UGT1A5: variants seen among roughly 807,000 people sequenced by gnomAD.
UGT1A5 encodes the protein UDP glucuronosyltransferase family 1 member A5, also known as UDP-glucuronosyltransferase 1A5.
UGT1A5 carries 29 observed loss-of-function variants against 40.3 expected under a neutral mutation model. That is an observed-to-expected ratio of 0.72 (90% CI 0.54 to 0.98). The LOEUF (loss-of-function observed/expected upper bound fraction) is 0.98, where lower values mean the gene tolerates loss of function less well. Ranked by LOEUF, UGT1A5 falls within the 50% of genes least tolerant of loss-of-function variation. UGT1A5 has a pLI of 0.00. For synonymous variants in UGT1A5, 257 were observed against 262.5 expected, an observed-to-expected ratio of 0.98 and a Z score of 0.20; for missense variants, 678 against 677.9, an observed-to-expected ratio of 1.00 and a Z score of 0.00.
rs149208140 is a variant in UGT1A5, at chr2:233,713,840, C to A, written c.849C>A (p.Asn283Lys). The A allele has an allele frequency of 6.2e-7, 1 of 1,614,012 alleles. No homozygotes were observed. The highest frequency in any genetic ancestry group is 8.5e-7 in the Non-Finnish European group (1 of 1,179,958). ...TCATTGGGGGCATCAACTGTGCCAA[C>A]GGGAAGCCACTATCTCAGGTCTGTA... ...MVFIGGINCA[N>K]GKPLSQEFEA... Residue 283 changes from asparagine to lysine, a missense_variant, in exon 1 of 5, where the codon AAC becomes AAA. Asn to Lys is a moderately conservative substitution (Grantham distance 94). Coordinates refer to ENST00000373414, the MANE Select transcript of UGT1A5 (RefSeq NM_019078.2).
Position 233,713,846 on chromosome 2 carries a change from G to A in UGT1A5, c.855G>A (p.Lys285=). The part of the protein sequence containing the change: ...FIGGINCANG[K]PLSQEFEAYI... ...GGGGCATCAACTGTGCCAACGGGAA[G>A]CCACTATCTCAGGTCTGTATTGGTG... Residue 285 remains lysine, a synonymous_variant, in exon 1 of 5, where the codon AAG becomes AAA. Transcript: ENST00000373414. The A allele has an allele frequency of 3.7e-6, 6 of 1,614,046 alleles. No homozygotes were observed. The highest frequency in any genetic ancestry group is 5.1e-6 in the Non-Finnish European group (6 of 1,179,962).
chr2:233,770,833 T>C (rs1328938186), intron 4 of UGT1A5: 1 of 152,206 alleles, frequency 6.6e-6, no homozygotes, highest in Non-Finnish European at 1.5e-5. Context: ...TGCATTGCTG[T>C]AAAGAAATAC....
At chr2:233,737,721 CT>C (rs1222184655) in intron 1 of UGT1A5, among the ~76,000 whole-genome samples, 14 of 151,438 alleles carry the variant, frequency 9.2e-5, no homozygotes, top group African/African-American at 1.9e-4. Flanking sequence ...CCAACACCTC[CT>C]TTTTTTTTCC....
intron 1 of UGT1A5, among the ~76,000 whole-genome samples, chr2:233,724,261 G>C (rs1182689801): frequency 8.1e-5 from 8 of 98,862 alleles, no homozygotes; most frequent in East Asian, 3.8e-4. Context: ...CTCACCTCCC[G>C]GACGGGGCGG....
chr2:233,743,981 G>C (rs1692624812), intron 1 of UGT1A5: 1 of 1,297,770 alleles, frequency 7.7e-7, no homozygotes, highest in African/African-American at 1.5e-5. Context: ...CAGCACCCAG[G>C]CGCAGGCCCG....
At position 233,758,345 on chromosome 2, in the gene UGT1A5, T is replaced by G. The variant is rs2125964411; in HGVS notation, c.868-8689T>G. Among the ~76,000 whole-genome samples, 4 of 152,362 alleles carry G rather than the reference T, an allele frequency of 2.6e-5. 1 individual carries two copies. In the Middle Eastern group the frequency reaches 0.01, roughly 389 times the overall value. On this transcript the variant is annotated intron_variant, in intron 1 of 4. Transcript: ENST00000373414. ...CCTCAAAAAGCTTGGAAGCTCTGCA[T>G]GATGCAGGAAAGTCATAAAATCATT...
intron 1 of UGT1A5, chr2:233,729,055 T>C (rs1328959185): frequency 6.2e-7 from 1 of 1,609,844 alleles, no homozygotes; most frequent in East Asian, 2.2e-5. Context: ...GACAAGGTAA[T>C]TAAGATGAAG....
chr2:233,734,934 T>A (rs2078587664), intron 1 of UGT1A5, among the ~76,000 whole-genome samples: 1 of 152,172 alleles, frequency 6.6e-6, no homozygotes, highest in Admixed American at 6.6e-5. Flanking sequence ...TTACTTACAA[T>A]CATATGGTCA....
At chr2:233,724,321 C>A (rs1437047103) in intron 1 of UGT1A5, among the ~76,000 whole-genome samples, 7 of 146,642 alleles carry the variant, frequency 4.8e-5, no homozygotes, top group East Asian at 4.5e-4. Context: ...GACGGGGCGG[C>A]TGGCCAGGCG....
intron 1 of UGT1A5, among the ~76,000 whole-genome samples, chr2:233,758,654 A>G (rs1263947791): frequency 6.6e-6 from 1 of 152,140 alleles, no homozygotes; most frequent in Non-Finnish European, 1.5e-5. Flanking sequence ...ATGAGAGGGT[A>G]CCCTAATTAC....
chr2:233,718,023 A>G (rs1438994105), intron 1 of UGT1A5: 2 of 389,712 alleles, frequency 5.1e-6, no homozygotes, highest in South Asian at 3.8e-5. Flanking sequence ...CCAGCTCCCC[A>G]GGTCCTTTGG....
At chr2:233,718,625 T>G in intron 1 of UGT1A5, 2 of 913,422 alleles carry the variant, frequency 2.2e-6, no homozygotes, top group Non-Finnish European at 2.6e-6. Context: ...GCGTGATTGG[T>G]CTTTCCCAGG....
At chr2:233,764,552 G>A (rs1387908555) in intron 1 of UGT1A5, among the ~76,000 whole-genome samples, 1 of 152,132 alleles carries the variant, frequency 6.6e-6, no homozygotes, top group East Asian at 1.9e-4. Flanking sequence ...CGTGTGGGAG[G>A]GTGTGCCTGG....
At chr2:233,767,722 A>T (rs1699460301) in intron 2 of UGT1A5, 127 bp from the exon 3 acceptor site, 6 of 1,548,124 alleles carry the variant, frequency 3.9e-6, no homozygotes, top group Middle Eastern at 3.4e-4. Flanking sequence ...CTTCACAGTT[A>T]CTGATCCTCC....
intron 1 of UGT1A5, among the ~76,000 whole-genome samples, chr2:233,732,156 ATTTG>A: frequency 6.6e-6 from 1 of 152,010 alleles, no homozygotes; most frequent in Non-Finnish European, 1.5e-5. Context: ...TTTCTTGTAA[ATTTG>A]TTTGAGTTCT....
At chr2:233,748,126 T>C (rs1272435639) in intron 1 of UGT1A5, 15 of 1,610,568 alleles carry the variant, frequency 9.3e-6, no homozygotes, top group Non-Finnish European at 1.3e-5. Flanking sequence ...GCAAAACAGT[T>C]TTTAAAAATT....
rs8330 is a variant in UGT1A5 at position 233,772,999 on chromosome 2, G to C, written c.*440G>C. ...ATAATGGTCAGTCCTCATCTCTGTC[G>C]TGCTTCATAGGTGCCACCTTGTGTG... On this transcript the variant is annotated 3_prime_UTR_variant, in exon 5 of 5. Transcript: ENST00000373414. 179,059 of 238,554 alleles carry C rather than the reference G, an allele frequency of 0.75. 68,191 individuals carry two copies. Among genetic ancestry groups the C allele is most frequent in the East Asian group, 0.88 (8,737 of 9,894 alleles). The allele number at this position is 238,554 out of a possible 1,614,324, so 14.8% of individuals were successfully genotyped here.
intron 1 of UGT1A5, among the ~76,000 whole-genome samples, chr2:233,763,526 CCT>C (rs1427600025): frequency 1.3e-5 from 2 of 152,212 alleles, no homozygotes; most frequent in Non-Finnish European, 2.9e-5. Context: ...TTGCCATTCT[CCT>C]TTTTCCGGAT....
At chr2:233,742,623 T>C (rs1436879759) in intron 1 of UGT1A5, 3 of 151,992 alleles carry the variant, frequency 2.0e-5, no homozygotes, top group Non-Finnish European at 2.9e-5. Flanking sequence ...ACGTTCAGGC[T>C]GAAGACAGTC....
Sources: allele counts gnomAD v4.1 joint callset (sites outside exome capture counted in the v4.1 genomes callset), GRCh38; gene constraint gnomAD v4.1.1; transcripts MANE v1.5; gene names NCBI Gene and HGNC (gene_info 2026-07-23, HGNC 2026-07-21).